Variants in EIF2AK2 observed in about 807,000 individuals in gnomAD.
The protein encoded by EIF2AK2 is interferon-induced, double-stranded RNA-activated protein kinase.
A neutral mutation model predicts 70.5 loss-of-function variants in EIF2AK2; 40 were observed. The ratio of observed to expected loss-of-function variants is 0.57; its 90% CI spans 0.44 to 0.74. The LOEUF (loss-of-function observed/expected upper bound fraction) is 0.74. Ranked by LOEUF, EIF2AK2 falls within the 30% of genes least tolerant of loss-of-function variation. EIF2AK2 has a pLI of 0.00. For synonymous variants in EIF2AK2, 198 were observed against 220.9 expected (o/e 0.90, Z 0.92); for missense variants, 555 against 644.3 (o/e 0.86, Z 1.50).
intron 14 of EIF2AK2, among the ~76,000 whole-genome samples, chr2:37,110,173 C>G (rs35637717): frequency 0.024 from 3,595 of 151,942 alleles, 78 homozygotes; most frequent in East Asian, 0.11. Flanking sequence ...CAGGTTCAAG[C>G]AGTTCTCCTG....
rs1186095835 is a variant in EIF2AK2 at position 37,120,124 on chromosome 2, G to A, written c.1083C>T (p.Cys361=). 1 of 1,458,336 alleles carries A rather than the reference G, an allele frequency of 6.9e-7. No homozygotes were observed. The highest frequency in any genetic ancestry group is 9.1e-7 in the Non-Finnish European group (1 of 1,099,248). The allele number at this position is 1,458,336 out of a possible 1,614,324, so 90.3% of individuals were successfully genotyped here. A position where few individuals can be genotyped will look rare whatever the true frequency, so the allele number is the denominator to read the frequency against. The change falls in exon 13 of 17, where the codon TGC becomes TGT. Residue 361 remains cysteine (C), a synonymous_variant. Coordinates refer to ENST00000233057, the MANE Select transcript of EIF2AK2 (RefSeq NM_001135651.3). The part of the protein sequence containing the change: ...SKNSSRSKTK[C]LFIQMEFCDK... ...CACAGAATTCCATTTGGATGAAAAG[G>A]CACTTAGTCTTTGACCTGGGTATAA...
At chr2:37,119,404 G>A (rs531000172) in intron 13 of EIF2AK2, among the ~76,000 whole-genome samples, 67 of 152,204 alleles carry the variant, frequency 4.4e-4, no homozygotes, top group African/African-American at 1.6e-3. Flanking sequence ...AGTCCCCTCT[G>A]CCTCTCAAAT....
chr2:37,137,803 A>C (rs1675178676), intron 8 of EIF2AK2, among the ~76,000 whole-genome samples: 1 of 152,150 alleles, frequency 6.6e-6, no homozygotes, highest in Non-Finnish European at 1.5e-5. Flanking sequence ...AATGGAACTT[A>C]ATTTTAAAAA....
chr2:37,153,935 C>A (rs1675832680), intron 1 of EIF2AK2, among the ~76,000 whole-genome samples: 1 of 152,202 alleles, frequency 6.6e-6, no homozygotes, highest in South Asian at 2.1e-4. Context: ...ACATTTCCAC[C>A]AGCAATGCAC....
At chr2:37,145,846 G>A (rs1490883032) in intron 4 of EIF2AK2, among the ~76,000 whole-genome samples, 5 of 129,290 alleles carry the variant, frequency 3.9e-5, no homozygotes, top group Admixed American at 9.9e-5. Flanking sequence ...TCCTTCTCCC[G>A]GGTTCAAGCA....
intron 1 of EIF2AK2, among the ~76,000 whole-genome samples, chr2:37,155,812 G>T (rs1445579504): frequency 6.6e-6 from 1 of 151,900 alleles, no homozygotes; most frequent in African/African-American, 2.4e-5. Context: ...GTGCTGGCGG[G>T]CACCTGTAGT....
At chr2:37,140,818 T>C (rs777158535) in intron 5 of EIF2AK2, among the ~76,000 whole-genome samples, 1 of 152,270 alleles carries the variant, frequency 6.6e-6, no homozygotes. Flanking sequence ...GCTGAGTCAA[T>C]TCATAGAAGT....
In EIF2AK2 at chr2:37,132,283, C is replaced by T. The variant is rs114293177; in HGVS notation, c.785+3201G>A. Among the ~76,000 whole-genome samples the T allele has an allele frequency of 5.4e-3, 805 of 150,316 alleles. 6 individuals are homozygous for T. The highest frequency in any genetic ancestry group is 8.9e-3 in the Non-Finnish European group (600 of 67,786). On this transcript the variant is annotated intron_variant, in intron 10 of 16. Coordinates refer to ENST00000233057, the MANE Select transcript of EIF2AK2 (RefSeq NM_001135651.3). The stretch of plus-strand genomic sequence containing the variant: ...ATACTGTCATACAAAACAAATTAGT[C>T]CTACCTGACCCTGAAAAAACAACTC...
chr2:37,109,492 G>A (rs940889717), intron 14 of EIF2AK2, 197 bp from the exon 15 acceptor site: 11 of 519,492 alleles, frequency 2.1e-5, no homozygotes, highest in African/African-American at 9.6e-5. Context: ...GTAAATTAAC[G>A]ATCAACATGG....
chr2:37,146,213 CT>C (rs1335268311), intron 4 of EIF2AK2, among the ~76,000 whole-genome samples: 1 of 152,138 alleles, frequency 6.6e-6, no homozygotes, highest in Non-Finnish European at 1.5e-5. Flanking sequence ...ACTACACAGC[CT>C]AGGTGTGTAC....
intron 14 of EIF2AK2, among the ~76,000 whole-genome samples, chr2:37,111,878 A>AAAT (rs1553335064): frequency 4.3e-5 from 3 of 69,130 alleles, no homozygotes; most frequent in African/African-American, 1.2e-4. Flanking sequence ...AAAAAAAAAA[A>AAAT]ATATATATAT....
chr2:37,122,810 A>T, intron 11 of EIF2AK2, 146 bp from the exon 12 acceptor site: 2 of 1,043,776 alleles, frequency 1.9e-6, no homozygotes, highest in Non-Finnish European at 2.8e-6. Flanking sequence ...GGAAGCCAGG[A>T]CATTCAAAAG....
At chr2:37,142,189 G>A (rs1573032592) in intron 4 of EIF2AK2, among the ~76,000 whole-genome samples, 1 of 151,928 alleles carries the variant, frequency 6.6e-6, no homozygotes, top group Admixed American at 6.6e-5. Context: ...AGAGTGCAGT[G>A]GTGCAACCTC....
chr2:37,122,159 A>G (rs200652033), intron 12 of EIF2AK2, among the ~76,000 whole-genome samples: 3 of 81,492 alleles, frequency 3.7e-5, no homozygotes, highest in Non-Finnish European at 8.0e-5. Context: ...TGCAGCATCT[A>G]TATGTTAAAA....
chr2:37,105,534 A>G lies in EIF2AK2; in HGVS notation c.*1739T>C, dbSNP rs1376322828. On this transcript the variant is annotated 3_prime_UTR_variant, in exon 17 of 17. Transcript: ENST00000233057. ...GTGGAAGCAGCCGGGGAAGAAGCAG[A>G]TGCTGGTGCCATGTTTCTTGTACAG... 1 of 152,324 alleles carries G rather than the reference A, an allele frequency of 6.6e-6. No homozygotes were observed. Among genetic ancestry groups the G allele is most frequent in the Admixed American group, 6.5e-5 (1 of 15,276 alleles). 9.4% of individuals were successfully genotyped at this position (152,324 alleles called of 1,614,324 possible). A position where few individuals can be genotyped will look rare whatever the true frequency, so the allele number is the denominator to read the frequency against.
chr2:37,122,079 C>T (rs556799173), intron 12 of EIF2AK2, among the ~76,000 whole-genome samples: 13 of 152,318 alleles, frequency 8.5e-5, no homozygotes, highest in African/African-American at 2.4e-4. Flanking sequence ...GACCCTCTGA[C>T]GGCACCACAC....
At chr2:37,152,724 C>T (rs1675789768) in intron 1 of EIF2AK2, among the ~76,000 whole-genome samples, 1 of 152,220 alleles carries the variant, frequency 6.6e-6, no homozygotes, top group African/African-American at 2.4e-5. Flanking sequence ...TACGCCATTA[C>T]CTCTAAAGTT....
chr2:37,117,130 G>A (rs113780544), intron 13 of EIF2AK2, among the ~76,000 whole-genome samples: 6,197 of 150,884 alleles, frequency 0.041, 157 homozygotes, highest in African/African-American at 0.07. Flanking sequence ...GGAGAATCTC[G>A]TGAACCCAGG....
intron 12 of EIF2AK2, among the ~76,000 whole-genome samples, chr2:37,121,825 G>C (rs1208562495): frequency 1.3e-5 from 2 of 152,064 alleles, no homozygotes; most frequent in Non-Finnish European, 2.9e-5. Flanking sequence ...CATGGAGATG[G>C]AGGTGGGGCA....
Sources: allele counts gnomAD v4.1 joint callset (sites outside exome capture counted in the v4.1 genomes callset), GRCh38; gene constraint gnomAD v4.1.1; transcripts MANE v1.5; gene names NCBI Gene and HGNC (gene_info 2026-07-23, HGNC 2026-07-21).